The following MYO10 variants were observed in gnomAD, a reference collection of about 807,000 sequenced individuals.
The protein encoded by MYO10 is unconventional myosin-X.
Under a neutral mutation model 257.3 loss-of-function variants are expected in MYO10, and 133 were observed. The ratio of observed to expected loss-of-function variants is 0.52; its 90% confidence interval spans 0.45 to 0.60. The LOEUF (loss-of-function observed/expected upper bound fraction) is 0.60. Among genes scored for constraint, MYO10 ranks in the 20% least tolerant of loss-of-function variants. The pLI is 0.00. For missense variants in MYO10, 2,399 were observed against 2,635.7 expected, an observed-to-expected ratio of 0.91 and a Z score of 1.97; for synonymous variants, 1,104 against 1,028.6, an observed-to-expected ratio of 1.07 and a Z score of -1.40.
chr5:16,710,965 C>T lies in MYO10; in HGVS notation c.2112G>A (p.Thr704=), dbSNP rs1738573157. The change falls in exon 21 of 41, where the codon ACG becomes ACA. Residue 704 remains threonine, a synonymous_variant. Transcript: ENST00000513610. The part of the protein sequence containing the change: ...ALPEDVRGKC[T]SLLQLYDASN... ...AGGCATCATAGAGCTGCAGCAGGCT[C>T]GTGCACTTCCCTCGGACGTCCTCAG... is the stretch of plus-strand genomic sequence containing the variant. The T allele has an allele frequency of 3.7e-6, 6 of 1,613,922 alleles. No homozygotes were observed. Among genetic ancestry groups the T allele is most frequent in the South Asian group, 3.3e-5 (3 of 91,036 alleles).
intron 2 of MYO10, among the ~76,000 whole-genome samples, chr5:16,867,593 T>C (rs983377223): frequency 2.6e-5 from 4 of 152,164 alleles, no homozygotes; most frequent in Non-Finnish European, 5.9e-5. Flanking sequence ...TTTCACAAAA[T>C]TGGGCCGATG....
At chr5:16,836,432 C>T (rs1224526718) in intron 2 of MYO10, among the ~76,000 whole-genome samples, 2 of 152,196 alleles carry the variant, frequency 1.3e-5, no homozygotes. Flanking sequence ...ATCAACTCCA[C>T]CTCATTTTCT....
chr5:16,796,808 A>C (rs1301155388), intron 3 of MYO10, among the ~76,000 whole-genome samples: 1 of 152,224 alleles, frequency 6.6e-6, no homozygotes, highest in African/African-American at 2.4e-5. Context: ...CCTAATCCCA[A>C]GTACTTAAGA....
chr5:16,862,878 T>C (rs537271641), intron 2 of MYO10, among the ~76,000 whole-genome samples: 4 of 152,258 alleles, frequency 2.6e-5, no homozygotes, highest in African/African-American at 9.6e-5. Context: ...ACCAGGAGGC[T>C]TGCCAGTCAT....
chr5:16,706,094 A>T (rs1738318889), intron 21 of MYO10, among the ~76,000 whole-genome samples: 1 of 152,094 alleles, frequency 6.6e-6, no homozygotes, highest in Non-Finnish European at 1.5e-5. Context: ...GAGGCAGAAG[A>T]ATCGCTTGAA....
intron 15 of MYO10, 137 bp downstream of exon 15, chr5:16,762,408 A>C: frequency 1.3e-6 from 1 of 764,252 alleles, no homozygotes; most frequent in East Asian, 2.7e-5. Flanking sequence ...CTAGTAATAG[A>C]AGAACAGCTT....
chr5:16,671,661 A>G, intron 37 of MYO10, 119 bp from the exon 38 acceptor site: 1 of 1,256,174 alleles, frequency 8.0e-7, no homozygotes, highest in South Asian at 1.4e-5. Flanking sequence ...CGGGCCCAGA[A>G]AACAGTGGAT....
rs186619248 is a variant in MYO10, at chr5:16,841,324, G to A, written c.121-23157C>T. 6.1e-4 allele frequency among the ~76,000 whole-genome samples: 93 copies of A among 152,214 alleles called. 1 individual carries two copies. Among genetic ancestry groups the A allele is most frequent in the African/African-American group, 1.9e-3 (79 of 41,534 alleles). ...CTGAGATATTAAAGACAATTATTTT[G>A]TGAGTTGAACTACGCCCATTAAAAG... On this transcript the variant is annotated intron_variant, in intron 2 of 40. Transcript: ENST00000513610.
intron 1 of MYO10, among the ~76,000 whole-genome samples, chr5:16,935,239 T>C (rs745699271): frequency 2.6e-5 from 4 of 152,090 alleles, no homozygotes; most frequent in Middle Eastern, 3.2e-3. Context: ...TCTGGAGTTA[T>C]CCCAAGCCTT....
At chr5:16,777,650 T>C (rs1741259114) in intron 9 of MYO10, among the ~76,000 whole-genome samples, 1 of 151,966 alleles carries the variant, frequency 6.6e-6, no homozygotes, top group South Asian at 2.1e-4. Flanking sequence ...TGGGTAAGGT[T>C]AGGCTGGTCA....
Position 16,766,101 on chromosome 5 carries a change from G to C in MYO10, c.1158C>G (p.Leu386=). The change falls in exon 11 of 41, where the codon CTC becomes CTG. Residue 386 remains leucine, a synonymous_variant. Coordinates refer to ENST00000513610, the MANE Select transcript of MYO10 (RefSeq NM_012334.3). ...GTACCTGTTGAACATTGAGAGGCGT[G>C]AGGATCTCTTCTCCCCTGAGGAACA... is the stretch of plus-strand genomic sequence containing the variant. The part of the protein sequence containing the change: ...RSMFLRGEEI[L]TPLNVQQAVD... 6.2e-7 allele frequency: 1 copy of C among 1,612,230 alleles called. No homozygotes were observed. The highest frequency in any genetic ancestry group is 8.5e-7 in the Non-Finnish European group (1 of 1,178,270).
At chr5:16,715,394 T>TTTTTC (rs1738815716) in intron 19 of MYO10, among the ~76,000 whole-genome samples, 1 of 123,632 alleles carries the variant, frequency 8.1e-6, no homozygotes, top group Non-Finnish European at 1.6e-5. Flanking sequence ...AGATTGAAAT[T>TTTTTC]TTTTTTTTTT....
intron 3 of MYO10, among the ~76,000 whole-genome samples, chr5:16,796,423 AAAAG>A (rs1208772971): frequency 2.2e-5 from 2 of 89,094 alleles, no homozygotes; most frequent in African/African-American, 5.2e-5. Context: ...AAAGAAAGGA[AAAAG>A]AAAGAAAAGA....
At position 16,679,954 on chromosome 5, in the gene MYO10, T is replaced by C. The variant is rs754087832; in HGVS notation, c.4535A>G (p.Asp1512Gly). The C allele has an allele frequency of 4.3e-6, 7 of 1,613,610 alleles. No individual in the cohort carries two copies. In the Admixed American group the frequency reaches 6.7e-5, roughly 15 times the overall value. The change falls in exon 33 of 41, where the codon GAT becomes GGT. Residue 1512 changes from aspartate (D) to glycine (G), a missense_variant. Coordinates refer to ENST00000513610, the MANE Select transcript of MYO10 (RefSeq NM_012334.3). ...IDTPTQQLIQ[D>G]IKENCLNSDV... ...GGGCTTGTCTTGGCTTACCTTGATA[T>C]CTTGAATCAGCTGCTGGGTGGGGGT...
rs150831140 is a variant in MYO10, at chr5:16,892,532, A to G, written c.22-14825T>C. 7.5e-4 allele frequency among the ~76,000 whole-genome samples: 114 copies of G among 152,290 alleles called. 1 individual carries two copies. In the South Asian group the frequency reaches 0.013, roughly 18 times the overall value. ...GTGGCATGCGCCTATAGTCCAAGCT[A>G]CTTGGAAGGTTGAGGTGAGAGAGTC... On this transcript the variant is annotated intron_variant, in intron 1 of 40. Transcript: ENST00000513610.
In MYO10 at chr5:16,681,954, G is replaced by A. The variant is rs370082246; in HGVS notation, c.4106C>T (p.Pro1369Leu). 5.0e-6 allele frequency: 8 copies of A among 1,613,716 alleles called. No individual in the cohort carries two copies. Among genetic ancestry groups the A allele is most frequent in the Admixed American group, 3.3e-5 (2 of 59,992 alleles). Residue 1369 changes from proline to leucine, a missense_variant, in exon 31 of 41, where the codon CCG (proline) becomes CTG (leucine). Physicochemically the swap from Pro to Leu is moderately conservative, Grantham distance 98. Around this residue, in one of 3 missense-constraint regions of MYO10, gnomAD observed 1,820 missense variants for 1,939.4 expected, o/e 0.94. Coordinates refer to ENST00000513610, the MANE Select transcript of MYO10 (RefSeq NM_012334.3). ...NRVLHCNADT[P>L]EEMHHWITLL... is the part of the protein sequence containing the mutation. ...GGTTATCCAGTGGTGCATCTCCTCCGGCGTGTCGGCGTTGCAGTGCAGCAC... is the reference window on the plus strand; with the variant it reads ...GGTTATCCAGTGGTGCATCTCCTCCAGCGTGTCGGCGTTGCAGTGCAGCAC...
chr5:16,811,652 C>T (rs6894986), intron 3 of MYO10, among the ~76,000 whole-genome samples: 3,890 of 152,256 alleles, frequency 0.026, 162 homozygotes, highest in African/African-American at 0.09. Flanking sequence ...CCGGCTCAGG[C>T]AATCCTCCCA....
At chr5:16,893,646 A>G (rs1000595366) in intron 1 of MYO10, among the ~76,000 whole-genome samples, 7 of 148,500 alleles carry the variant, frequency 4.7e-5, no homozygotes, top group Non-Finnish European at 1.5e-5. Context: ...AAAAAAAAAA[A>G]AAAAAAGAAA....
In MYO10 at chr5:16,700,969, C is replaced by A; in HGVS notation, c.3426G>T (p.Gln1142His). 3 of 1,552,722 alleles carry A rather than the reference C, an allele frequency of 1.9e-6. No individual in the cohort carries two copies. The highest frequency in any genetic ancestry group is 1.7e-6 in the Non-Finnish European group (2 of 1,147,352). ...ACGCCAGGCAGGTACTTACCGAGGA[C>A]TGCGCCCCCTCAGAGCTGAACCGGT... Reference protein sequence around the residue: ...GAYRFSSEGAQSSFEDSEEDF... With the variant: ...GAYRFSSEGAHSSFEDSEEDF... Residue 1142 changes from glutamine to histidine, a missense_variant, in exon 25 of 41, where the codon CAG (glutamine) becomes CAT (histidine). Around this residue, in one of 3 missense-constraint regions of MYO10, gnomAD observed 1,820 missense variants for 1,939.4 expected, o/e 0.94. Coordinates refer to ENST00000513610, the MANE Select transcript of MYO10 (RefSeq NM_012334.3).
Sources: allele counts gnomAD v4.1 joint callset (sites outside exome capture counted in the v4.1 genomes callset), GRCh38; gene constraint gnomAD v4.1.1; regional missense constraint gnomAD v4.1.1; transcripts MANE v1.5; gene names NCBI Gene and HGNC (gene_info 2026-07-23, HGNC 2026-07-21).